Variants in SLC6A11 observed in about 807,000 individuals in gnomAD.
The protein encoded by SLC6A11 is solute carrier family 6 member 11.
In SLC6A11, 25 loss-of-function variants were observed where a neutral mutation model predicts 74.8. The observed-to-expected ratio is 0.33, with a 90% CI of 0.24 to 0.47. The LOEUF (loss-of-function observed/expected upper bound fraction) is 0.47, where lower values mean the gene tolerates loss of function less well. SLC6A11 is among the 20% of genes least tolerant of loss of function. The pLI is 1.00. For synonymous variants in SLC6A11, 330 were observed against 330.2 expected (o/e 1.00, Z 0.01); for missense variants, 574 against 837.0 (o/e 0.69, Z 3.88).
intron 5 of SLC6A11, among the ~76,000 whole-genome samples, chr3:10,849,656 C>CT (rs1446566592): frequency 6.6e-6 from 1 of 152,134 alleles, no homozygotes; most frequent in Non-Finnish European, 1.5e-5. Context: ...AATGATACAA[C>CT]TGAAATGCTT....
chr3:10,930,087 C>T (rs1181403021), intron 10 of SLC6A11, among the ~76,000 whole-genome samples: 1 of 152,152 alleles, frequency 6.6e-6, no homozygotes, highest in East Asian at 1.9e-4. Flanking sequence ...AATGAGGGAA[C>T]TCAGAATCAC....
chr3:10,857,036 C>T (rs916119690), intron 5 of SLC6A11, among the ~76,000 whole-genome samples: 1 of 152,220 alleles, frequency 6.6e-6, no homozygotes, highest in Non-Finnish European at 1.5e-5. Flanking sequence ...ATCCATGCTC[C>T]AACTTCAAAG....
chr3:10,833,143 C>A (rs1331933533), intron 4 of SLC6A11, among the ~76,000 whole-genome samples: 1 of 152,222 alleles, frequency 6.6e-6, no homozygotes, highest in Non-Finnish European at 1.5e-5. Context: ...CTCACTGCAG[C>A]CTCCACCTCC....
intron 6 of SLC6A11, among the ~76,000 whole-genome samples, chr3:10,896,997 A>G (rs1236048392): frequency 6.6e-6 from 1 of 152,212 alleles, no homozygotes; most frequent in East Asian, 1.9e-4. Context: ...TCATAGCAGA[A>G]GGTGAGAGGC....
chr3:10,897,119 G>C (rs185530681), intron 6 of SLC6A11, among the ~76,000 whole-genome samples: 2 of 152,176 alleles, frequency 1.3e-5, no homozygotes, highest in Admixed American at 1.3e-4. Flanking sequence ...ACAGTATGGG[G>C]GAACTGCCCC....
intron 5 of SLC6A11, among the ~76,000 whole-genome samples, chr3:10,862,981 A>G (rs1425255385): frequency 1.3e-5 from 2 of 152,240 alleles, no homozygotes; most frequent in African/African-American, 4.8e-5. Context: ...AGAGACTGAA[A>G]TGAGAACATG....
At chr3:10,859,433 G>A (rs995483361) in intron 5 of SLC6A11, among the ~76,000 whole-genome samples, 2 of 152,148 alleles carry the variant, frequency 1.3e-5, no homozygotes, top group African/African-American at 2.4e-5. Flanking sequence ...ATTAATGTCT[G>A]TGACTCTGCA....
intron 5 of SLC6A11, 111 bp from the exon 6 acceptor site, chr3:10,874,850 C>G: frequency 9.0e-7 from 1 of 1,115,720 alleles, no homozygotes; most frequent in Non-Finnish European, 1.3e-6. Flanking sequence ...GCTGGTCAGC[C>G]TTGGGAGAGA....
chr3:10,896,876 G>A (rs1252112775), intron 6 of SLC6A11, among the ~76,000 whole-genome samples: 2 of 152,172 alleles, frequency 1.3e-5, no homozygotes, highest in East Asian at 3.8e-4. Context: ...TGCAATACAT[G>A]TATTAGTCCA....
chr3:10,851,691 A>T (rs559222599), intron 5 of SLC6A11, among the ~76,000 whole-genome samples: 3 of 152,356 alleles, frequency 2.0e-5, no homozygotes, highest in Middle Eastern at 3.4e-3. Context: ...CATTTCACAG[A>T]TGAGAAAACA....
chr3:10,855,633 C>T (rs1459475450), intron 5 of SLC6A11, among the ~76,000 whole-genome samples: 1 of 152,194 alleles, frequency 6.6e-6, no homozygotes, highest in African/African-American at 2.4e-5. Flanking sequence ...TGTCCTGTGC[C>T]AGGCACTGCA....
At chr3:10,881,536 G>A (rs750532028) in intron 6 of SLC6A11, among the ~76,000 whole-genome samples, 12 of 152,254 alleles carry the variant, frequency 7.9e-5, no homozygotes, top group Admixed American at 2.6e-4. Context: ...GTTAGCTTGT[G>A]TACCTTGCGT....
chr3:10,861,964 G>A (rs1331921866), intron 5 of SLC6A11, among the ~76,000 whole-genome samples: 3 of 152,154 alleles, frequency 2.0e-5, no homozygotes, highest in Non-Finnish European at 4.4e-5. Flanking sequence ...TCAGAACAGG[G>A]GATGCTTGCA....
At position 10,816,368 on chromosome 3, in the gene SLC6A11, C is replaced by G; in HGVS notation, c.103C>G (p.Pro35Ala). 6.8e-7 allele frequency: 1 copy of G among 1,473,344 alleles called. No individual in the cohort carries two copies. The highest frequency in any genetic ancestry group is 2.9e-5 in the East Asian group (1 of 34,300). 91.3% of individuals were successfully genotyped at this position (1,473,344 alleles called of 1,614,324 possible). ...CGGCTGCAGCAGCGGGGGCGCGGCG[C>G]CCGCGCGCCACCCGCGCGTCAAGCG... ...GGGCSSGGAA[P>A]ARHPRVKRDK... is the part of the protein sequence containing the mutation. Residue 35 changes from proline (P) to alanine (A), a missense_variant, in exon 1 of 14, where the codon CCC (proline) becomes GCC (alanine). Physicochemically the swap from Pro to Ala is conservative, Grantham distance 27 (BLOSUM62 -1). Transcript: ENST00000254488. The surrounding 1 kb of genome is among the most constrained non-coding windows in gnomAD (Gnocchi z 4.2).
At chr3:10,899,403 T>A (rs745379567) in intron 6 of SLC6A11, among the ~76,000 whole-genome samples, 10 of 152,238 alleles carry the variant, frequency 6.6e-5, no homozygotes, top group Middle Eastern at 3.2e-3. Context: ...TTCTGTTTCA[T>A]ATGGAATTGA....
rs1018320429 is a variant in SLC6A11 at position 10,907,071 on chromosome 3, G to T, written c.892-5019G>T. ...ATATTGTCCCAAGGCATTGCACAAAGACAGAACCACAAAACAGTGCAGCAC... is the reference window on the plus strand; with the variant it reads ...ATATTGTCCCAAGGCATTGCACAAATACAGAACCACAAAACAGTGCAGCAC... On this transcript the variant is annotated intron_variant, in intron 6 of 13. Coordinates refer to ENST00000254488, the MANE Select transcript of SLC6A11 (RefSeq NM_014229.3). 2.0e-5 allele frequency among the ~76,000 whole-genome samples: 3 copies of T among 152,226 alleles called. No homozygotes were observed. In the East Asian group the frequency reaches 5.8e-4, roughly 29 times the overall value.
chr3:10,932,811 G>A (rs1195116801), intron 10 of SLC6A11, among the ~76,000 whole-genome samples: 1 of 152,190 alleles, frequency 6.6e-6, no homozygotes, highest in African/African-American at 2.4e-5. Flanking sequence ...GCTGGAGGCA[G>A]GGAGGCCAGT....
intron 5 of SLC6A11, among the ~76,000 whole-genome samples, chr3:10,870,819 C>T (rs1299816108): frequency 1.3e-5 from 2 of 152,206 alleles, no homozygotes; most frequent in African/African-American, 4.8e-5. Context: ...CAAACCTCAG[C>T]TTACAAATGA....
At chr3:10,925,803 C>T (rs1180050501) in intron 8 of SLC6A11, among the ~76,000 whole-genome samples, 1 of 152,214 alleles carries the variant, frequency 6.6e-6, no homozygotes, top group Non-Finnish European at 1.5e-5. Context: ...TTACCTCTTT[C>T]TGCCTCAACT....
Sources: allele counts gnomAD v4.1 joint callset (sites outside exome capture counted in the v4.1 genomes callset), GRCh38; gene constraint gnomAD v4.1.1; non-coding constraint Gnocchi (gnomAD v3.1); transcripts MANE v1.5; gene names NCBI Gene and HGNC (gene_info 2026-07-23, HGNC 2026-07-21).